The following PRIM2 variants were observed in gnomAD, a reference collection of about 807,000 sequenced individuals.
PRIM2 encodes the protein DNA primase subunit 2.
Under a neutral mutation model 67.3 loss-of-function variants are expected in PRIM2, and 39 were observed. The ratio of observed to expected loss-of-function variants is 0.58; its 90% CI spans 0.45 to 0.76. PRIM2 has a LOEUF of 0.76. Ranked by LOEUF, PRIM2 falls within the 30% of genes least tolerant of loss-of-function variation. The probability of loss-of-function intolerance (pLI) is 0.00; values close to 1 mark genes in which losing one functional copy is unlikely to be tolerated. For missense variants in PRIM2, 398 were observed against 598.7 expected (o/e 0.66, Z 3.50); for synonymous variants, 143 against 198.7 (o/e 0.72, Z 2.36).
At chr6:57,443,649 T>C (rs9475963) in intron 7 of PRIM2, among the ~76,000 whole-genome samples, 1 of 152,196 alleles carries the variant, frequency 6.6e-6, no homozygotes, top group Non-Finnish European at 1.5e-5. Flanking sequence ...GAGCTTCTTA[T>C]GCATTTTGGA....
At chr6:57,495,528 G>A (rs1554346297) in intron 7 of PRIM2, among the ~76,000 whole-genome samples, 2 of 152,154 alleles carry the variant, frequency 1.3e-5, no homozygotes, top group Non-Finnish European at 2.9e-5. Flanking sequence ...GCCATCTGGG[G>A]CTACCATTCT....
intron 11 of PRIM2, among the ~76,000 whole-genome samples, chr6:57,604,724 T>C (rs1450745908): frequency 1.3e-5 from 2 of 151,682 alleles, no homozygotes; most frequent in Non-Finnish European, 2.9e-5. Context: ...AGAGTCTCAC[T>C]CTGTTTCCCA....
intron 8 of PRIM2, among the ~76,000 whole-genome samples, chr6:57,520,188 C>T (rs1554348749): frequency 6.6e-6 from 1 of 152,220 alleles, no homozygotes; most frequent in Admixed American, 6.5e-5. Flanking sequence ...TCCCAAAACA[C>T]TGTGGCAGTT....
chr6:57,542,939 A>T lies in PRIM2; in HGVS notation c.1020+5314A>T, dbSNP rs1274506979. ...GTTGGCTTAAAATACTGCTTATAGG[A>T]TTTTTTTTTTTTTTTTTTTGAGACG... On this transcript the variant is annotated intron_variant, in intron 10 of 13. Coordinates refer to ENST00000615550, the MANE Select transcript of PRIM2 (RefSeq NM_000947.5). Among the ~76,000 whole-genome samples, 106 of 71,854 alleles carry T rather than the reference A, an allele frequency of 1.5e-3. 1 individual carries two copies. Among genetic ancestry groups the T allele is most frequent in the East Asian group, 1.9e-3 (5 of 2,606 alleles). 47.1% of individuals were successfully genotyped at this position (71,854 alleles called of 152,430 possible).
intron 7 of PRIM2, among the ~76,000 whole-genome samples, chr6:57,384,075 A>G (rs1770052752): frequency 6.6e-6 from 1 of 152,198 alleles, no homozygotes; most frequent in Admixed American, 6.5e-5. Flanking sequence ...CCTTTCTCTG[A>G]ATATGTCTTT....
chr6:57,535,771 A>T (rs1314559912), intron 9 of PRIM2, among the ~76,000 whole-genome samples: 1 of 152,158 alleles, frequency 6.6e-6, no homozygotes, highest in Non-Finnish European at 1.5e-5. Context: ...AGGCTGAAGC[A>T]GGAGAATCGC....
chr6:57,274,943 A>ATTTTTTTTT, the PRIM2 span, among the ~76,000 whole-genome samples: 5,159 of 137,026 alleles, frequency 0.038, 275 homozygotes, highest in African/African-American at 0.11. Flanking sequence ...CACCTGGCTA[A>ATTTTTTTTT]TTTTTTTTTT....
chr6:57,641,419 C>G (rs1442422094), intron 13 of PRIM2, among the ~76,000 whole-genome samples: 2 of 152,126 alleles, frequency 1.3e-5, no homozygotes. Context: ...AGCTTTTGCA[C>G]CGCAAAAGAA....
chr6:57,272,156 G>C, the PRIM2 span, among the ~76,000 whole-genome samples: 1 of 152,184 alleles, frequency 6.6e-6, no homozygotes, highest in East Asian at 1.9e-4. Flanking sequence ...GCTTGGTGCA[G>C]AGTTGAGTTC....
At chr6:57,528,838 T>G (rs2127466984) in intron 8 of PRIM2, among the ~76,000 whole-genome samples, 1 of 152,376 alleles carries the variant, frequency 6.6e-6, no homozygotes, top group South Asian at 2.1e-4. Flanking sequence ...AATTGCTGTT[T>G]GTGCTGGAGT....
chr6:57,375,282 G>T (rs866947127), intron 5 of PRIM2, among the ~76,000 whole-genome samples: 4 of 152,206 alleles, frequency 2.6e-5, no homozygotes, highest in African/African-American at 9.7e-5. Context: ...ATGAAGGGAT[G>T]TTGAATTTTA....
At chr6:57,484,675 T>C (rs1773713392) in intron 7 of PRIM2, among the ~76,000 whole-genome samples, 1 of 152,232 alleles carries the variant, frequency 6.6e-6, no homozygotes, top group African/African-American at 2.4e-5. Flanking sequence ...TCTGTGACTC[T>C]CCAAATACAG....
intron 10 of PRIM2, among the ~76,000 whole-genome samples, chr6:57,537,974 AAT>A (rs1775033686): frequency 2.0e-5 from 3 of 152,100 alleles, no homozygotes; most frequent in African/African-American, 7.2e-5. Flanking sequence ...AACAATTTAA[AAT>A]ATTTTCTATT....
intron 7 of PRIM2, among the ~76,000 whole-genome samples, chr6:57,453,644 G>C (rs1772641054): frequency 6.6e-6 from 1 of 152,196 alleles, no homozygotes; most frequent in African/African-American, 2.4e-5. Flanking sequence ...TTTGCATCTT[G>C]AGACTTTGCC....
chr6:57,311,337 T>G (rs1562686793), upstream of PRIM2, among the ~76,000 whole-genome samples: 2 of 124,978 alleles, frequency 1.6e-5, no homozygotes, highest in Admixed American at 1.6e-4. Flanking sequence ...GCAGAGGCGC[T>G]CCTCACTTCC....
intron 7 of PRIM2, among the ~76,000 whole-genome samples, chr6:57,506,652 C>T (rs1386283974): frequency 3.3e-5 from 5 of 151,818 alleles, no homozygotes; most frequent in Non-Finnish European, 1.5e-5. Context: ...TCTTTAATTT[C>T]CTTGTGTCAA....
the PRIM2 span, among the ~76,000 whole-genome samples, chr6:57,231,426 GA>G: frequency 6.6e-6 from 1 of 151,790 alleles, no homozygotes; most frequent in Non-Finnish European, 1.5e-5. Context: ...TACAAACTGA[GA>G]AAAAAATACT....
intron 5 of PRIM2, among the ~76,000 whole-genome samples, chr6:57,375,034 T>C (rs1270594387): frequency 6.6e-6 from 1 of 152,266 alleles, no homozygotes; most frequent in Non-Finnish European, 1.5e-5. Context: ...TGACTTTCTC[T>C]CCTCCTATTT....
At chr6:57,594,550 T>A (rs1231858009) in intron 10 of PRIM2, among the ~76,000 whole-genome samples, 1 of 152,218 alleles carries the variant, frequency 6.6e-6, no homozygotes, top group Non-Finnish European at 1.5e-5. Context: ...ATGAGGATGC[T>A]GAAGTGATTT....
Sources: allele counts gnomAD v4.1 joint callset (sites outside exome capture counted in the v4.1 genomes callset), GRCh38; gene constraint gnomAD v4.1.1; transcripts MANE v1.5; gene names NCBI Gene and HGNC (gene_info 2026-07-23, HGNC 2026-07-21).